The following DNM3 variants were observed in gnomAD, a reference collection of about 807,000 sequenced individuals.
DNM3 encodes the protein dynamin 3, also known as dynamin-3.
DNM3 carries 47 observed loss-of-function variants against 101.6 expected under a neutral mutation model. That is an observed-to-expected ratio of 0.46 (90% CI 0.37 to 0.59). The LOEUF (loss-of-function observed/expected upper bound fraction) is 0.59, where lower values mean the gene tolerates loss of function less well. Among genes scored for constraint, DNM3 ranks in the 20% least tolerant of loss-of-function variants. The pLI is 0.00. For synonymous variants in DNM3, 385 were observed against 387.9 expected (o/e 0.99, Z 0.09); for missense variants, 849 against 1,085.7 (o/e 0.78, Z 3.06).
In DNM3 at chr1:172,396,971, T is replaced by C. The variant is rs576150778; in HGVS notation, c.2522+8162T>C. On this transcript the variant is annotated intron_variant, in intron 20 of 20. Coordinates refer to ENST00000627582, the MANE Select transcript of DNM3 (RefSeq NM_015569.5). ...TGTAAGATACATTCTGTACCATGTG[T>C]ATTTTTTTAAGTTTATATTAGCATT... Among the ~76,000 whole-genome samples, 527 of 152,308 alleles carry C rather than the reference T, an allele frequency of 3.5e-3. 2 individuals carry two copies. The highest frequency in any genetic ancestry group is 0.012 in the African/African-American group (500 of 41,548).
At chr1:172,018,104 T>G (rs2047571549) in intron 4 of DNM3, among the ~76,000 whole-genome samples, 1 of 152,156 alleles carries the variant, frequency 6.6e-6, no homozygotes, top group African/African-American at 2.4e-5. Flanking sequence ...TTAAAGTGAA[T>G]TTTTTGTAGA....
intron 17 of DNM3, chr1:172,366,773 C>T (rs1471582314): frequency 6.6e-6 from 1 of 151,430 alleles, no homozygotes; most frequent in African/African-American, 2.4e-5. Context: ...ACCAGATCAA[C>T]CAAAAGAAAG....
At chr1:172,050,822 G>T (rs1289552178) in intron 10 of DNM3, among the ~76,000 whole-genome samples, 1 of 152,164 alleles carries the variant, frequency 6.6e-6, no homozygotes, top group Non-Finnish European at 1.5e-5. Flanking sequence ...TCAAAAGATT[G>T]GCACATGTGT....
chr1:172,013,598 G>A (rs1029060490), intron 4 of DNM3, among the ~76,000 whole-genome samples: 19 of 151,992 alleles, frequency 1.3e-4, no homozygotes, highest in Non-Finnish European at 1.5e-4. Flanking sequence ...GAAGATTTAA[G>A]GGCACAAAGA....
At chr1:172,020,572 A>T (rs1188449522) in intron 4 of DNM3, among the ~76,000 whole-genome samples, 1 of 151,794 alleles carries the variant, frequency 6.6e-6, no homozygotes, top group Non-Finnish European at 1.5e-5. Context: ...TACAAAAAAA[A>T]ATTAGCCGGG....
chr1:172,048,515 A>T, intron 9 of DNM3, 97 bp from the exon 10 acceptor site: 1 of 1,395,560 alleles, frequency 7.2e-7, no homozygotes, highest in South Asian at 1.6e-5. Context: ...TTACATGCTT[A>T]ATTTAAATGG....
At chr1:172,215,782 T>C (rs549724045) in intron 14 of DNM3, among the ~76,000 whole-genome samples, 1 of 152,170 alleles carries the variant, frequency 6.6e-6, no homozygotes, top group South Asian at 2.1e-4. Flanking sequence ...CAGAGCCAGG[T>C]AATTGATGCG....
intron 14 of DNM3, among the ~76,000 whole-genome samples, chr1:172,207,015 A>G (rs902509709): frequency 6.6e-6 from 1 of 151,956 alleles, no homozygotes; most frequent in Non-Finnish European, 1.5e-5. Flanking sequence ...ACCACCCACA[A>G]ATGCCTGGTA....
chr1:172,152,208 A>G (rs909940588), intron 14 of DNM3, among the ~76,000 whole-genome samples: 27 of 151,856 alleles, frequency 1.8e-4, no homozygotes, highest in African/African-American at 6.5e-4. Flanking sequence ...AATTTGCCAG[A>G]AGTAATTGCC....
intron 4 of DNM3, among the ~76,000 whole-genome samples, chr1:172,015,812 G>A (rs1405173829): frequency 6.6e-6 from 1 of 152,072 alleles, no homozygotes; most frequent in Non-Finnish European, 1.5e-5. Flanking sequence ...ATGCTGAAAA[G>A]CACTGGTGAG....
intron 14 of DNM3, among the ~76,000 whole-genome samples, chr1:172,232,851 G>A (rs1355007394): frequency 1.3e-5 from 2 of 152,116 alleles, no homozygotes; most frequent in East Asian, 3.9e-4. Context: ...GAGGACAAAG[G>A]CACAACATAC....
intron 2 of DNM3, among the ~76,000 whole-genome samples, chr1:171,929,487 G>A (rs986238912): frequency 6.6e-6 from 1 of 152,174 alleles, no homozygotes; most frequent in Non-Finnish European, 1.5e-5. Flanking sequence ...CATTGGTGAG[G>A]ATGGCTGGAG....
At chr1:172,054,512 T>A (rs557920161) in intron 10 of DNM3, among the ~76,000 whole-genome samples, 2 of 152,368 alleles carry the variant, frequency 1.3e-5, no homozygotes, top group South Asian at 4.1e-4. Context: ...TCTTGATTTT[T>A]TTTTTAACCA....
At chr1:172,033,349 A>G (rs2048748341) in intron 6 of DNM3, 84 bp downstream of exon 6, 2 of 1,392,812 alleles carry the variant, frequency 1.4e-6, no homozygotes, top group South Asian at 3.2e-5. Context: ...TTTTAAGTTT[A>G]TTTTTTTTTC....
At chr1:172,294,339 G>C (rs967630059) in intron 15 of DNM3, among the ~76,000 whole-genome samples, 2 of 151,768 alleles carry the variant, frequency 1.3e-5, no homozygotes, top group African/African-American at 4.9e-5. Flanking sequence ...GGTCAAAAAT[G>C]AAAAAGGTGG....
chr1:172,305,899 T>A (rs574534381), intron 15 of DNM3, among the ~76,000 whole-genome samples: 10 of 152,328 alleles, frequency 6.6e-5, no homozygotes, highest in African/African-American at 1.9e-4. Flanking sequence ...ATAAGAGCTA[T>A]TTATGACAAG....
chr1:172,404,561 G>A (rs1483355411), intron 20 of DNM3, among the ~76,000 whole-genome samples: 1 of 152,018 alleles, frequency 6.6e-6, no homozygotes, highest in Non-Finnish European at 1.5e-5. Context: ...AATTTACTGT[G>A]CCATAAGAGT....
At chr1:171,951,406 G>GT (rs1453412472) in intron 2 of DNM3, among the ~76,000 whole-genome samples, 1 of 152,126 alleles carries the variant, frequency 6.6e-6, no homozygotes, top group Non-Finnish European at 1.5e-5. Context: ...TACATGCGGT[G>GT]TTTTGCATTA....
chr1:172,269,427 G>A (rs185290356), intron 15 of DNM3, among the ~76,000 whole-genome samples: 1 of 152,030 alleles, frequency 6.6e-6, no homozygotes, highest in Non-Finnish European at 1.5e-5. Context: ...TAATGATAGG[G>A]GACCCAATCG....
Sources: allele counts gnomAD v4.1 joint callset (sites outside exome capture counted in the v4.1 genomes callset), GRCh38; gene constraint gnomAD v4.1.1; transcripts MANE v1.5; gene names NCBI Gene and HGNC (gene_info 2026-07-23, HGNC 2026-07-21).